DCAF1: variants seen among roughly 807,000 people sequenced by gnomAD.
DCAF1 encodes DDB1- and CUL4-associated factor 1.
DCAF1 carries 15 observed loss-of-function variants against 128.0 expected under a neutral mutation model. The observed-to-expected ratio is 0.12, with a 90% CI of 0.08 to 0.18. The LOEUF is 0.18. Ranked by LOEUF, DCAF1 falls within the 10% of genes least tolerant of loss-of-function variation. The pLI, the probability that DCAF1 is intolerant of heterozygous loss-of-function variation, is 1.00. For missense variants in DCAF1, 988 were observed against 1,649.5 expected, an observed-to-expected ratio of 0.60 and a Z score of 6.95; for synonymous variants, 610 against 603.0, an observed-to-expected ratio of 1.01 and a Z score of -0.17.
intron 6 of DCAF1, among the ~76,000 whole-genome samples, chr3:51,457,346 G>C (rs1427985573): frequency 2.0e-5 from 3 of 152,114 alleles, no homozygotes; most frequent in Admixed American, 6.6e-5. Flanking sequence ...AATGAAGCGA[G>C]AAGAGAAGTT....
intron 13 of DCAF1, among the ~76,000 whole-genome samples, chr3:51,423,495 C>A (rs1699612692): frequency 1.3e-5 from 2 of 149,224 alleles, no homozygotes. Flanking sequence ...GAGAGAGACT[C>A]TGTCTCCACA....
chr3:51,474,406 G>A (rs565367772), intron 3 of DCAF1, among the ~76,000 whole-genome samples: 2 of 152,142 alleles, frequency 1.3e-5, no homozygotes, highest in South Asian at 2.1e-4. Context: ...GCCAACAAGC[G>A]CAAAACTCTG....
At chr3:51,428,236 C>CCATA (rs1553634621) in intron 12 of DCAF1, among the ~76,000 whole-genome samples, 1 of 151,628 alleles carries the variant, frequency 6.6e-6, no homozygotes, top group African/African-American at 2.4e-5. Flanking sequence ...GACTGGAGTG[C>CCATA]CATAGCCCGA....
intron 23 of DCAF1, among the ~76,000 whole-genome samples, chr3:51,411,363 A>G (rs998537279): frequency 3.3e-5 from 5 of 152,204 alleles, no homozygotes; most frequent in African/African-American, 7.2e-5. Flanking sequence ...AAAATTAGAC[A>G]AAAGAATCTG....
chr3:51,492,233 T>C (rs1237893969), intron 2 of DCAF1, among the ~76,000 whole-genome samples: 2 of 151,828 alleles, frequency 1.3e-5, no homozygotes, highest in South Asian at 2.1e-4. Flanking sequence ...CCTCACAGTA[T>C]ATGCGAAAAT....
At chr3:51,424,009 G>A (rs1379542491) in intron 13 of DCAF1, among the ~76,000 whole-genome samples, 4 of 151,770 alleles carry the variant, frequency 2.6e-5, no homozygotes, top group South Asian at 4.2e-4. Context: ...AAAGAATGAG[G>A]GAAAGGGTTC....
intron 3 of DCAF1, among the ~76,000 whole-genome samples, chr3:51,480,576 G>A (rs1397123318): frequency 1.4e-5 from 2 of 142,752 alleles, no homozygotes; most frequent in Non-Finnish European, 3.0e-5. Flanking sequence ...TCCAGCCTGG[G>A]CGACAGAGCT....
chr3:51,422,212 T>C, intron 14 of DCAF1, 95 bp downstream of exon 14: 1 of 681,612 alleles, frequency 1.5e-6, no homozygotes, highest in Non-Finnish European at 2.7e-6. Context: ...TGTTCTAAAA[T>C]CCAAAATTAG....
chr3:51,438,492 G>A (rs917350472), intron 9 of DCAF1, among the ~76,000 whole-genome samples: 15 of 152,226 alleles, frequency 9.9e-5, no homozygotes, highest in Admixed American at 9.8e-4. Flanking sequence ...TACAAGTGAA[G>A]TTGAATTGTA....
intron 18 of DCAF1, among the ~76,000 whole-genome samples, chr3:51,415,756 A>G (rs1698823533): frequency 6.6e-6 from 1 of 151,774 alleles, no homozygotes; most frequent in Non-Finnish European, 1.5e-5. Context: ...AGCTCAGCCA[A>G]TTTTGTTTAT....
chr3:51,416,079 C>T (rs1425605203), intron 18 of DCAF1, among the ~76,000 whole-genome samples: 2 of 152,100 alleles, frequency 1.3e-5, no homozygotes, highest in Non-Finnish European at 2.9e-5. Flanking sequence ...GCTGCTCTTG[C>T]TTCTCTCACA....
At chr3:51,434,779 T>G (rs1160478450) in intron 9 of DCAF1, among the ~76,000 whole-genome samples, 1 of 152,220 alleles carries the variant, frequency 6.6e-6, no homozygotes, top group South Asian at 2.1e-4. Flanking sequence ...GTTTTTTAAC[T>G]GCCTGTTCAA....
At chr3:51,433,288 C>T (rs1490245070) in intron 9 of DCAF1, 24 bp from the exon 10 acceptor site, 5 of 398,282 alleles carry the variant, frequency 1.3e-5, no homozygotes, top group Non-Finnish European at 2.2e-5. Context: ...ACACAAATTA[C>T]CACAAAATAA....
At position 51,441,795 on chromosome 3, in the gene DCAF1, G is replaced by C. The variant is rs1490982988; in HGVS notation, c.616C>G (p.Leu206Val). The C allele has an allele frequency of 6.2e-7, 1 of 1,613,800 alleles. No homozygotes were observed. Among genetic ancestry groups the C allele is most frequent in the Admixed American group, 1.7e-5 (1 of 59,988 alleles). ...ACAGCCTCCTCATCCAGAGGCAAAAGGGGTTCAGAAGAGAGCTTCCGTGGA... is the reference window on the plus strand; with the variant it reads ...ACAGCCTCCTCATCCAGAGGCAAAACGGGTTCAGAAGAGAGCTTCCGTGGA... ...PSPRKLSSEP[L>V]LPLDEEAVDM... Residue 206 changes from leucine to valine, a missense_variant, in exon 8 of 25, where the codon CTT (leucine) becomes GTT (valine). By Grantham distance (32) the Leu-to-Val change is conservative. Transcript: ENST00000684031.
intron 23 of DCAF1, among the ~76,000 whole-genome samples, chr3:51,412,048 G>GA (rs1392604265): frequency 1.4e-5 from 2 of 138,438 alleles, no homozygotes; most frequent in Non-Finnish European, 3.0e-5. Flanking sequence ...AGGAGGCAGA[G>GA]ACTGCAGTGA....
rs1701375492 is a variant in DCAF1 at position 51,441,732 on chromosome 3, C to T, written c.679G>A (p.Asp227Asn). 33 of 1,613,858 alleles carry T rather than the reference C, an allele frequency of 2.0e-5. No individual in the cohort carries two copies. Among genetic ancestry groups the T allele is most frequent in the Non-Finnish European group, 2.7e-5 (32 of 1,179,892 alleles). ...DYGDMAVDVV[D>N]GDQEEASGDM... ...CCAGAAGCTTCCTCTTGGTCTCCAT[C>T]CACTACATCTACAGCCATGTCACCA... The change falls in exon 8 of 25, where the codon GAT becomes AAT. Residue 227 changes from aspartate (D) to asparagine (N), a missense_variant. This residue lies in a region of DCAF1 where 210 missense variants were observed against 260.2 expected (regional missense o/e 0.81). Transcript: ENST00000684031.
intron 2 of DCAF1, among the ~76,000 whole-genome samples, chr3:51,488,718 G>A (rs1307790390): frequency 5.3e-5 from 8 of 152,034 alleles, no homozygotes; most frequent in South Asian, 2.1e-4. Flanking sequence ...CAGGAGAATC[G>A]CTTGAACACA....
At chr3:51,465,403 A>G (rs1381181890) in intron 5 of DCAF1, among the ~76,000 whole-genome samples, 1 of 152,216 alleles carries the variant, frequency 6.6e-6, no homozygotes, top group Non-Finnish European at 1.5e-5. Context: ...GAAAGAGACA[A>G]TGGTGATATA....
intron 3 of DCAF1, among the ~76,000 whole-genome samples, chr3:51,474,907 C>T (rs1277411078): frequency 2.6e-5 from 4 of 151,610 alleles, no homozygotes; most frequent in Non-Finnish European, 5.9e-5. Context: ...ACCTCAACCT[C>T]CTGAGTAGCT....
Sources: gnomAD v4.1 joint callset for allele counts (sites outside exome capture counted in the v4.1 genomes callset) on GRCh38, gnomAD v4.1.1 for gene constraint, gnomAD v4.1.1 regional missense constraint, MANE v1.5 for transcripts, NCBI Gene and HGNC (gene_info 2026-07-23, HGNC 2026-07-21) for gene names.